The following CNTN5 variants were observed in gnomAD, a reference collection of about 807,000 sequenced individuals.
The protein encoded by CNTN5 is contactin-5.
CNTN5 carries 77 observed loss-of-function variants against 129.1 expected under a neutral mutation model. The observed-to-expected ratio is 0.60, with a 90% CI of 0.50 to 0.72. CNTN5 has a LOEUF of 0.72. Among genes scored for constraint, CNTN5 ranks in the 30% least tolerant of loss-of-function variants. The pLI is 0.00. For missense variants in CNTN5, 1,478 were observed against 1,328.8 expected (o/e 1.11, Z -1.75); for synonymous variants, 509 against 465.6 (o/e 1.09, Z -1.20).
At chr11:99,582,968 G>A (rs185611182) in intron 3 of CNTN5, among the ~76,000 whole-genome samples, 1 of 152,080 alleles carries the variant, frequency 6.6e-6, no homozygotes, top group Non-Finnish European at 1.5e-5. Context: ...TCTACCTTTG[G>A]TTTTTGATGA....
At chr11:99,037,767 A>G (rs1323500439) in intron 1 of CNTN5, among the ~76,000 whole-genome samples, 1 of 150,960 alleles carries the variant, frequency 6.6e-6, no homozygotes, top group Non-Finnish European at 1.5e-5. Flanking sequence ...TTTAGTAGAG[A>G]CGGGGTTTCA....
chr11:99,850,839 C>T (rs1032617046), intron 6 of CNTN5, among the ~76,000 whole-genome samples: 6 of 152,210 alleles, frequency 3.9e-5, no homozygotes, highest in South Asian at 2.1e-4. Context: ...CTCAAAGAAA[C>T]AAATCTACTC....
At chr11:99,826,435 C>G (rs1405965807) in intron 4 of CNTN5, among the ~76,000 whole-genome samples, 2 of 152,114 alleles carry the variant, frequency 1.3e-5, no homozygotes, top group Non-Finnish European at 2.9e-5. Context: ...CAGAAACAGA[C>G]ACACATACGT....
intron 7 of CNTN5, among the ~76,000 whole-genome samples, chr11:99,940,745 T>C (rs1019801455): frequency 6.6e-6 from 1 of 152,102 alleles, no homozygotes; most frequent in Admixed American, 6.6e-5. Context: ...CAATGATGTG[T>C]GCTTACCATT....
chr11:100,049,316 A>G (rs1461229613), intron 9 of CNTN5, among the ~76,000 whole-genome samples: 2 of 152,118 alleles, frequency 1.3e-5, no homozygotes, highest in African/African-American at 4.8e-5. Context: ...CGGTAAGCAT[A>G]ATATTGTCAG....
chr11:99,797,976 C>A (rs1301841), intron 3 of CNTN5, among the ~76,000 whole-genome samples: 88,559 of 151,880 alleles, frequency 0.58, 26,568 homozygotes, highest in East Asian at 0.72. Flanking sequence ...TTTTATTTTA[C>A]GTTCAAGGAT....
chr11:99,377,417 T>G (rs888386604), intron 2 of CNTN5, among the ~76,000 whole-genome samples: 5 of 152,162 alleles, frequency 3.3e-5, no homozygotes, highest in Non-Finnish European at 5.9e-5. Flanking sequence ...TTGTTATTTC[T>G]TTTGTATTTA....
intron 10 of CNTN5, 134 bp from the exon 11 acceptor site, chr11:100,070,290 G>A (rs752371011): frequency 1.2e-6 from 1 of 836,756 alleles, no homozygotes; most frequent in Non-Finnish European, 1.8e-6. Flanking sequence ...ACGCAATGCT[G>A]TGCTTCTTCA....
chr11:100,096,690 T>G (rs1945023001), intron 13 of CNTN5, among the ~76,000 whole-genome samples: 1 of 152,138 alleles, frequency 6.6e-6, no homozygotes, highest in African/African-American at 2.4e-5. Context: ...TACACTAGAA[T>G]GTAGTCTGCA....
intron 2 of CNTN5, among the ~76,000 whole-genome samples, chr11:99,555,337 A>C (rs989920213): frequency 6.6e-6 from 1 of 152,030 alleles, no homozygotes; most frequent in Non-Finnish European, 1.5e-5. Flanking sequence ...TGACACGTGA[A>C]AATTCTGGAG....
chr11:99,446,085 T>TA (rs35641117), intron 2 of CNTN5, among the ~76,000 whole-genome samples: 119,203 of 134,910 alleles, frequency 0.88, 53,505 homozygotes, highest in Non-Finnish European at 0.98. Context: ...ACTTTGTCAT[T>TA]AAAAAAAAAA....
chr11:100,203,523 C>CA (rs1948834023), intron 15 of CNTN5, among the ~76,000 whole-genome samples: 1 of 151,934 alleles, frequency 6.6e-6, no homozygotes, highest in Non-Finnish European at 1.5e-5. Flanking sequence ...TTTTGGCCAC[C>CA]AAAATCCAGT....
intron 16 of CNTN5, among the ~76,000 whole-genome samples, chr11:100,242,879 G>A (rs1267420546): frequency 6.6e-6 from 1 of 152,198 alleles, no homozygotes; most frequent in African/African-American, 2.4e-5. Flanking sequence ...GAAAGAACAT[G>A]GAGCAGTCAT....
chr11:99,470,491 G>T (rs529249444), intron 2 of CNTN5, among the ~76,000 whole-genome samples: 19 of 152,044 alleles, frequency 1.2e-4, no homozygotes, highest in Admixed American at 4.6e-4. Context: ...AATGAAATAA[G>T]TCTTCAATTT....
At position 99,311,364 on chromosome 11, in the gene CNTN5, T is replaced by C. The variant is rs1015944648; in HGVS notation, c.-209-13982T>C. On this transcript the variant is annotated intron_variant, in intron 1 of 24. Transcript: ENST00000524871. ...GTCCATATATAAGGGGTTATTGTTC[T>C]ACAATTTGCTTTTTTTTAAGAATAC... Among the ~76,000 whole-genome samples the C allele has an allele frequency of 5.3e-5, 8 of 152,240 alleles. No homozygotes were observed. In the East Asian group the frequency reaches 1.5e-3, roughly 29 times the overall value.
chr11:99,533,177 T>G, intron 2 of CNTN5, among the ~76,000 whole-genome samples: 1 of 152,180 alleles, frequency 6.6e-6, no homozygotes, highest in Non-Finnish European at 1.5e-5. Context: ...GAGCCAAGAT[T>G]GTGCCACTGT....
At chr11:99,718,107 A>G (rs916080941) in intron 3 of CNTN5, among the ~76,000 whole-genome samples, 1 of 152,282 alleles carries the variant, frequency 6.6e-6, no homozygotes, top group South Asian at 2.1e-4. Flanking sequence ...GGTCATGCCA[A>G]TACGCTCTAA....
At chr11:99,250,673 G>A (rs1862051642) in intron 1 of CNTN5, among the ~76,000 whole-genome samples, 1 of 151,846 alleles carries the variant, frequency 6.6e-6, no homozygotes, top group African/African-American at 2.4e-5. Flanking sequence ...AGTCATCTAT[G>A]GAAGGCGATG....
At chr11:99,179,734 C>A (rs1857954006) in intron 1 of CNTN5, among the ~76,000 whole-genome samples, 1 of 152,168 alleles carries the variant, frequency 6.6e-6, no homozygotes, top group East Asian at 1.9e-4. Flanking sequence ...TGTTTAATTT[C>A]ATGTTGCTAC....
Sources: allele counts gnomAD v4.1 joint callset (sites outside exome capture counted in the v4.1 genomes callset), GRCh38; gene constraint gnomAD v4.1.1; transcripts MANE v1.5; gene names NCBI Gene and HGNC (gene_info 2026-07-23, HGNC 2026-07-21).